The following SHISA9 variants were observed in gnomAD, a reference collection of about 807,000 sequenced individuals.
The protein encoded by SHISA9 is shisa family member 9, also known as protein shisa-9.
Under a neutral mutation model 38.0 loss-of-function variants are expected in SHISA9, and 13 were observed. That is an observed-to-expected ratio of 0.34 (90% confidence interval 0.22 to 0.54). The LOEUF is 0.54. Among genes scored for constraint, SHISA9 ranks in the 20% least tolerant of loss-of-function variants. The probability of loss-of-function intolerance (pLI) is 0.91; values close to 1 mark genes in which losing one functional copy is unlikely to be tolerated. For synonymous variants in SHISA9, 275 were observed against 242.0 expected, an observed-to-expected ratio of 1.14 and a Z score of -1.27; for missense variants, 538 against 575.8, an observed-to-expected ratio of 0.93 and a Z score of 0.67.
chr16:13,380,366 A>G, the SHISA9 span, among the ~76,000 whole-genome samples: 44 of 152,326 alleles, frequency 2.9e-4, no homozygotes, highest in Admixed American at 2.4e-3. Context: ...AAATGTTTCA[A>G]TGCTTTAAAA....
chr16:13,376,305 A>G, the SHISA9 span, among the ~76,000 whole-genome samples: 2 of 152,336 alleles, frequency 1.3e-5, no homozygotes, highest in East Asian at 1.9e-4. Flanking sequence ...TTTTAGATAG[A>G]GTCATGGCAT....
the SHISA9 span, among the ~76,000 whole-genome samples, chr16:13,550,914 G>A: frequency 6.6e-6 from 1 of 152,012 alleles, no homozygotes; most frequent in African/African-American, 2.4e-5. Flanking sequence ...AAAAGGTCAG[G>A]CGTTCGAGAC....
At chr16:13,383,226 G>A in the SHISA9 span, among the ~76,000 whole-genome samples, 3 of 152,286 alleles carry the variant, frequency 2.0e-5, no homozygotes, top group African/African-American at 7.2e-5. Flanking sequence ...TTCTCATCAG[G>A]GAAGACTGGA....
At chr16:13,342,396 TC>T in the SHISA9 span, among the ~76,000 whole-genome samples, 1 of 152,150 alleles carries the variant, frequency 6.6e-6, no homozygotes, top group African/African-American at 2.4e-5. Context: ...CAAGCGATCC[TC>T]CTGCCTCAAC....
chr16:13,118,730 C>CTTTTTTT (rs34471353), intron 2 of SHISA9, among the ~76,000 whole-genome samples: 2 of 130,778 alleles, frequency 1.5e-5, no homozygotes, highest in Non-Finnish European at 3.2e-5. Context: ...TTTCTTTTTT[C>CTTTTTTT]TTTTTTTTTT....
At chr16:13,151,910 C>T (rs770763659) in intron 2 of SHISA9, among the ~76,000 whole-genome samples, 22 of 152,100 alleles carry the variant, frequency 1.4e-4, no homozygotes, top group Non-Finnish European at 2.8e-4. Flanking sequence ...TTTTTATCTC[C>T]GCATCACCAG....
chr16:13,041,351 C>G (rs1032596709), intron 2 of SHISA9, among the ~76,000 whole-genome samples: 3 of 152,210 alleles, frequency 2.0e-5, no homozygotes, highest in Admixed American at 6.5e-5. Context: ...CTGCTGTTGT[C>G]TCTACCCTGG....
intron 2 of SHISA9, among the ~76,000 whole-genome samples, chr16:13,124,459 C>T (rs1230427464): frequency 6.6e-6 from 1 of 152,102 alleles, no homozygotes; most frequent in South Asian, 2.1e-4. Flanking sequence ...ATCTGGGGGC[C>T]GTTCACTGTT....
chr16:13,112,735 A>T (rs1477244110), intron 2 of SHISA9, among the ~76,000 whole-genome samples: 1 of 151,610 alleles, frequency 6.6e-6, no homozygotes, highest in African/African-American at 2.4e-5. Flanking sequence ...TGTTGGGAGG[A>T]GGTGCTTGGC....
intron 2 of SHISA9, among the ~76,000 whole-genome samples, chr16:12,925,134 G>A (rs888788279): frequency 6.6e-6 from 1 of 152,196 alleles, no homozygotes; most frequent in East Asian, 1.9e-4. Flanking sequence ...TTTTCACTCT[G>A]CGTGCCAGTT....
chr16:13,482,072 A>T, the SHISA9 span, among the ~76,000 whole-genome samples: 15 of 152,190 alleles, frequency 9.9e-5, no homozygotes, highest in East Asian at 2.5e-3. Context: ...TGCTTTTTCC[A>T]TCCCTGCCCT....
the SHISA9 span, among the ~76,000 whole-genome samples, chr16:13,356,877 T>C: frequency 6.6e-6 from 1 of 152,168 alleles, no homozygotes; most frequent in Non-Finnish European, 1.5e-5. Flanking sequence ...CAAAGTGCCA[T>C]TTTCTGGCTA....
intron 2 of SHISA9, among the ~76,000 whole-genome samples, chr16:13,019,980 C>G (rs1379021172): frequency 2.0e-5 from 2 of 101,068 alleles, no homozygotes; most frequent in Non-Finnish European, 1.9e-5. Context: ...TCCTTCCTTC[C>G]TTCCTTCCTT....
chr16:13,542,991 G>A, the SHISA9 span, among the ~76,000 whole-genome samples: 1 of 152,164 alleles, frequency 6.6e-6, no homozygotes, highest in African/African-American at 2.4e-5. Flanking sequence ...TAGTCTGTCT[G>A]ATCCCAGAGC....
the SHISA9 span, among the ~76,000 whole-genome samples, chr16:13,517,327 A>C: frequency 6.6e-6 from 1 of 152,168 alleles, no homozygotes; most frequent in Non-Finnish European, 1.5e-5. Flanking sequence ...CTGGTCTCCT[A>C]AACCATGAGA....
chr16:13,200,617 T>C (rs2050997883), intron 2 of SHISA9, among the ~76,000 whole-genome samples: 1 of 138,208 alleles, frequency 7.2e-6, no homozygotes, highest in South Asian at 2.2e-4. Context: ...GGCTCCAAGG[T>C]GTGGTGAAAG....
chr16:13,447,793 A>G, the SHISA9 span, among the ~76,000 whole-genome samples: 2 of 152,030 alleles, frequency 1.3e-5, no homozygotes, highest in African/African-American at 4.8e-5. Flanking sequence ...ATGTTGAAAG[A>G]TCGTCACAGA....
the SHISA9 span, among the ~76,000 whole-genome samples, chr16:13,338,476 G>C: frequency 0.36 from 55,415 of 152,030 alleles, 11,241 homozygotes; most frequent in African/African-American, 0.56. Flanking sequence ...AGGCTGAGCA[G>C]ATTGTACAGA....
chr16:13,296,081 A>T, the SHISA9 span, among the ~76,000 whole-genome samples: 2 of 152,004 alleles, frequency 1.3e-5, no homozygotes, highest in Non-Finnish European at 2.9e-5. Context: ...CTCAATTGTC[A>T]CTCTCATAGC....
Sources: allele counts gnomAD v4.1 joint callset (sites outside exome capture counted in the v4.1 genomes callset), GRCh38; gene constraint gnomAD v4.1.1; transcripts MANE v1.5; gene names NCBI Gene and HGNC (gene_info 2026-07-23, HGNC 2026-07-21).